Variants in BDP1 observed in about 807,000 individuals in gnomAD.
BDP1 encodes the protein BDP1 general transcription factor IIIB subunit.
In BDP1, 169 loss-of-function variants were observed where a neutral mutation model predicts 266.6. That is an observed-to-expected ratio of 0.63 (90% confidence interval 0.56 to 0.72). BDP1 has a LOEUF of 0.72. Among genes scored for constraint, BDP1 ranks in the 30% least tolerant of loss-of-function variants. The pLI, the probability that BDP1 is intolerant of heterozygous loss-of-function variation, is 0.00. For missense variants in BDP1, 3,015 were observed against 3,053.8 expected, an observed-to-expected ratio of 0.99 and a Z score of 0.30; for synonymous variants, 1,090 against 1,022.4, an observed-to-expected ratio of 1.07 and a Z score of -1.26.
chr5:71,512,519 A>G, intron 18 of BDP1, 91 bp downstream of exon 18: 1 of 826,926 alleles, frequency 1.2e-6, no homozygotes. Context: ...CATATACAGG[A>G]TAGTGTTAGA....
intron 34 of BDP1, among the ~76,000 whole-genome samples, chr5:71,552,729 A>T (rs894214500): frequency 6.6e-6 from 1 of 152,272 alleles, no homozygotes; most frequent in Non-Finnish European, 1.5e-5. Flanking sequence ...CTGAGGCAGG[A>T]GAACCAGGCA....
In BDP1 at chr5:71,501,816, C is replaced by CT. The variant is rs368597934; in HGVS notation, c.2048+164dup. Among the ~76,000 whole-genome samples the CT allele has an allele frequency of 9.9e-5, 15 of 152,046 alleles. 1 individual carries two copies. Among genetic ancestry groups the CT allele is most frequent in the African/African-American group, 3.6e-4 (15 of 41,514 alleles). ...GTGGTTTTGAAACATTCATAATACTCTCTCTGCTTGATATTGCTTATATAA... is the reference window on the plus strand; with the variant it reads ...GTGGTTTTGAAACATTCATAATACTCTTCTCTGCTTGATATTGCTTATATAA... On this transcript the variant is annotated intron_variant, in intron 14 of 38. Coordinates refer to ENST00000358731, the MANE Select transcript of BDP1 (RefSeq NM_018429.3).
At position 71,510,540 on chromosome 5, in the gene BDP1, A is replaced by G. The variant is rs1764855956; in HGVS notation, c.3448A>G (p.Arg1150Gly). 1.2e-6 allele frequency: 2 copies of G among 1,613,956 alleles called. No homozygotes were observed. Among genetic ancestry groups the G allele is most frequent in the East Asian group, 2.2e-5 (1 of 44,820 alleles). Residue 1150 changes from arginine (R) to glycine (G), a missense_variant, in exon 17 of 39, where the codon AGA (arginine) becomes GGA (glycine). Physicochemically the swap from Arg to Gly is moderately radical, Grantham distance 125 (BLOSUM62 -2). Around this residue, in one of 3 missense-constraint regions of BDP1, gnomAD observed 2,383 missense variants for 2,404.9 expected, o/e 0.99. Coordinates refer to ENST00000358731, the MANE Select transcript of BDP1 (RefSeq NM_018429.3). ...AGACAAAGATCTGGAAGAAACTGGA[A>G]GAAGAGAAATATCCCCAGAGGAAAA... ...EIDKDLEETG[R>G]REISPEENGP...
chr5:71,544,360 CAG>C lies in BDP1; in HGVS notation c.6420_6421del (p.Asn2142CysfsTer10), dbSNP rs2150569861. On this transcript the variant is annotated frameshift_variant, in exon 31 of 39. Coordinates refer to ENST00000358731, the MANE Select transcript of BDP1 (RefSeq NM_018429.3). LOFTEE classifies it high-confidence loss of function. ...GTAAGTGTGCTTTTTGTTTAAGAAA[CAG>C]AGAAAAATGCTTCCAAAGCAACAGA... 3.7e-6 allele frequency: 6 copies of C among 1,605,938 alleles called. No homozygotes were observed. The highest frequency in any genetic ancestry group is 3.4e-5 in the South Asian group (3 of 89,006).
At chr5:71,458,434 C>A in intron 1 of BDP1, 145 bp from the exon 2 acceptor site, 1 of 649,352 alleles carries the variant, frequency 1.5e-6, no homozygotes, top group Non-Finnish European at 2.6e-6. Context: ...TGTAACCTGT[C>A]ATAATTATCA....
chr5:71,504,618 A>T lies in BDP1; in HGVS notation c.2242-3A>T, dbSNP rs774939178. 2 of 1,601,326 alleles carry T rather than the reference A, an allele frequency of 1.2e-6. No individual in the cohort carries two copies. The highest frequency in any genetic ancestry group is 1.7e-6 in the Non-Finnish European group (2 of 1,175,912). ...ACATTAGAAAAATTTGTTTGTTTTT[A>T]AGACTCCTCAACACATGGAAGATCA... On this transcript the variant is annotated splice_region_variant and splice_polypyrimidine_tract_variant and intron_variant, in intron 15 of 38. Transcript: ENST00000358731.
At chr5:71,554,762 A>G (rs1445947026) in intron 35 of BDP1, among the ~76,000 whole-genome samples, 1 of 120,778 alleles carries the variant, frequency 8.3e-6, no homozygotes, top group African/African-American at 2.8e-5. Flanking sequence ...TTAGCATTTT[A>G]ACAATTTTTT....
At chr5:71,468,122 G>A (rs1313075472) in intron 6 of BDP1, among the ~76,000 whole-genome samples, 1 of 151,956 alleles carries the variant, frequency 6.6e-6, no homozygotes, top group African/African-American at 2.4e-5. Flanking sequence ...GGGTTCAAGC[G>A]ATTCTCCTGC....
Position 71,497,304 on chromosome 5 carries a change from T to C in BDP1, c.1834T>C (p.Leu612=). 1 of 1,613,760 alleles carries C rather than the reference T, an allele frequency of 6.2e-7. No homozygotes were observed. Among genetic ancestry groups the C allele is most frequent in the Admixed American group, 1.7e-5 (1 of 59,944 alleles). ...IDQTENVKPM[L]RGRFQRPKPN... Reference sequence around the variant, plus strand: ...TCAAACAGAAAATGTTAAACCAATGTTGAGAGGTCGCTTCCAAAGACCTAA... The same window carrying C: ...TCAAACAGAAAATGTTAAACCAATGCTGAGAGGTCGCTTCCAAAGACCTAA... The change falls in exon 13 of 39, where the codon TTG becomes CTG. Residue 612 remains leucine (L), a synonymous_variant. Coordinates refer to ENST00000358731, the MANE Select transcript of BDP1 (RefSeq NM_018429.3).
chr5:71,527,121 A>G (rs917246516), intron 25 of BDP1, among the ~76,000 whole-genome samples: 7 of 151,900 alleles, frequency 4.6e-5, no homozygotes, highest in Admixed American at 1.3e-4. Flanking sequence ...GGGTTTCGCT[A>G]TGTTGCACAG....
intron 7 of BDP1, among the ~76,000 whole-genome samples, chr5:71,482,400 A>G (rs778064859): frequency 2.0e-5 from 3 of 152,146 alleles, no homozygotes; most frequent in Non-Finnish European, 4.4e-5. Flanking sequence ...TGCTCTCACT[A>G]TTGTCCTTTG....
Position 71,566,308 on chromosome 5 carries a change from T to C in BDP1, c.*1423T>C, listed in dbSNP as rs1744030672. ...TTCCCATTAAATTCTCAAGGAACAC[T>C]TGGATCTTTAAGCACGGAACATAAT... On this transcript the variant is annotated 3_prime_UTR_variant, in exon 39 of 39. Coordinates refer to ENST00000358731, the MANE Select transcript of BDP1 (RefSeq NM_018429.3). The C allele has an allele frequency of 6.6e-6, 1 of 152,550 alleles. No individual in the cohort carries two copies. The highest frequency in any genetic ancestry group is 6.5e-5 in the Admixed American group (1 of 15,276). 9.4% of individuals were successfully genotyped at this position (152,550 alleles called of 1,614,324 possible).
chr5:71,467,316 T>G, intron 5 of BDP1, 38 bp from the exon 6 acceptor site: 1 of 1,507,908 alleles, frequency 6.6e-7, no homozygotes, highest in Non-Finnish European at 9.1e-7. Context: ...GTTTCCTTGT[T>G]TTTAGTATAC....
rs1261948892 is a variant in BDP1, at chr5:71,532,430, A to G, written c.5892+3A>G. The stretch of plus-strand genomic sequence containing the variant: ...AAGAAAATTTGAGTGTACCGTTTGT[A>G]AGCATCCATTTTAATATGTTTTGGC... On this transcript the variant is annotated splice_donor_region_variant and intron_variant, in intron 26 of 38. Coordinates refer to ENST00000358731, the MANE Select transcript of BDP1 (RefSeq NM_018429.3). The G allele has an allele frequency of 1.2e-6, 2 of 1,612,722 alleles. No individual in the cohort carries two copies. The highest frequency in any genetic ancestry group is 1.7e-6 in the Non-Finnish European group (2 of 1,179,412).
downstream of BDP1, among the ~76,000 whole-genome samples, chr5:71,568,196 T>C (rs953048788): frequency 6.6e-6 from 1 of 152,150 alleles, no homozygotes. Context: ...ATTTCAAAGC[T>C]GTAGGAGTCT....
intron 3 of BDP1, among the ~76,000 whole-genome samples, 157 bp downstream of exon 3, chr5:71,462,083 T>A (rs1293136716): frequency 6.6e-6 from 1 of 150,822 alleles, no homozygotes; most frequent in Admixed American, 6.7e-5. Flanking sequence ...CTGCCTCAGA[T>A]TCGCGGGTAG....
chr5:71,504,064 A>AGATT (rs59840088), intron 15 of BDP1, among the ~76,000 whole-genome samples: 5,443 of 151,958 alleles, frequency 0.036, 316 homozygotes, highest in African/African-American at 0.12. Context: ...CGAGGTCAGG[A>AGATT]GATTGAGACC....
chr5:71,501,424 T>G, intron 13 of BDP1, 138 bp from the exon 14 acceptor site: 1 of 575,438 alleles, frequency 1.7e-6, no homozygotes, highest in Admixed American at 3.2e-5. Context: ...TCCGCCTGCC[T>G]TGGCCTCCCA....
At chr5:71,522,696 C>A in intron 23 of BDP1, 60 bp from the exon 24 acceptor site, 1 of 1,491,246 alleles carries the variant, frequency 6.7e-7, no homozygotes, top group Non-Finnish European at 9.0e-7. Flanking sequence ...AACTACCAAA[C>A]CAAATTAACA....
Sources: gnomAD v4.1 joint callset for allele counts (sites outside exome capture counted in the v4.1 genomes callset) on GRCh38, gnomAD v4.1.1 for gene constraint, gnomAD v4.1.1 regional missense constraint, MANE v1.5 for transcripts, NCBI Gene and HGNC (gene_info 2026-07-23, HGNC 2026-07-21) for gene names.